SLC7A8: variants seen among roughly 807,000 people sequenced by gnomAD.
The protein encoded by SLC7A8 is solute carrier family 7 member 8, also known as large neutral amino acids transporter small subunit 2.
In SLC7A8, 30 loss-of-function variants were observed where a neutral mutation model predicts 51.2. The ratio of observed to expected loss-of-function variants is 0.59; its 90% CI spans 0.44 to 0.80. The LOEUF (loss-of-function observed/expected upper bound fraction) is 0.80. Among genes scored for constraint, SLC7A8 ranks in the 30% least tolerant of loss-of-function variants. SLC7A8 has a pLI of 0.00. For missense variants in SLC7A8, 612 were observed against 674.4 expected (o/e 0.91, Z 1.03); for synonymous variants, 257 against 275.8 (o/e 0.93, Z 0.67).
chr14:23,182,736 G>A (rs750162359), intron 1 of SLC7A8, 28 bp downstream of exon 1: 1 of 1,525,778 alleles, frequency 6.6e-7, no homozygotes, highest in East Asian at 2.3e-5. Context: ...GGGGAGAGGA[G>A]GGGTCCGCGG....
At position 23,143,102 on chromosome 14, in the gene SLC7A8, A is replaced by G. The variant is rs1429268804; in HGVS notation, c.611T>C (p.Met204Thr). ...ACCTTTGCATATCTGTACAATCCCCATGATGATAATCAGGGCCAAGGCCAG... is the reference window on the plus strand; with the variant it reads ...ACCTTTGCATATCTGTACAATCCCCGTGATGATAATCAGGGCCAAGGCCAG... Reference protein sequence around the residue: ...KLLALALIIIMGIVQICKGEY... With the variant: ...KLLALALIIITGIVQICKGEY... Residue 204 changes from methionine (M) to threonine (T), a missense_variant, in exon 4 of 11, where the codon ATG becomes ACG. By Grantham distance (81) the Met-to-Thr change is moderately conservative. Transcript: ENST00000316902. 2 of 1,614,228 alleles carry G rather than the reference A, an allele frequency of 1.2e-6. No individual in the cohort carries two copies. The highest frequency in any genetic ancestry group is 1.1e-5 in the South Asian group (1 of 91,086).
At chr14:23,151,446 T>TAGGAAA (rs2048846351) in intron 3 of SLC7A8, among the ~76,000 whole-genome samples, 1 of 152,074 alleles carries the variant, frequency 6.6e-6, no homozygotes, top group Non-Finnish European at 1.5e-5. Flanking sequence ...TGGCTGTCTC[T>TAGGAAA]CCTTCCTCTA....
intron 7 of SLC7A8, among the ~76,000 whole-genome samples, chr14:23,135,765 T>C (rs1197700541): frequency 6.6e-6 from 1 of 152,096 alleles, no homozygotes; most frequent in Non-Finnish European, 1.5e-5. Flanking sequence ...AAAGACAATA[T>C]TGAAGGAGAT....
Position 23,128,395 on chromosome 14 carries a change from GGTCA to G in SLC7A8, c.1264-203_1264-200del. The G allele has an allele frequency of 6.6e-7, 1 of 1,518,084 alleles. No individual in the cohort carries two copies. Among genetic ancestry groups the G allele is most frequent in the African/African-American group, 1.4e-5 (1 of 72,784 alleles). 94.0% of individuals were successfully genotyped at this position (1,518,084 alleles called of 1,614,324 possible). On this transcript the variant is annotated intron_variant, in intron 9 of 10. Coordinates refer to ENST00000316902, the MANE Select transcript of SLC7A8 (RefSeq NM_012244.4). This position sits in a 1 kb window ranked among gnomAD's most constrained non-coding sequence, Gnocchi z 4.3. ...TAAACAAATGTTGATGAACATGGTC[GGTCA>G]GACAGGAAGAGGATGGGGAGGAGTT...
chr14:23,128,521 G>A lies in SLC7A8; in HGVS notation c.1264-325C>T, dbSNP rs1314007612. 6.6e-6 allele frequency among the ~76,000 whole-genome samples: 1 copy of A among 152,230 alleles called. No homozygotes were observed. Among genetic ancestry groups the A allele is most frequent in the East Asian group, 1.9e-4 (1 of 5,194 alleles). The stretch of plus-strand genomic sequence containing the variant: ...CCATGTGCCCGTGGCAGCCAGAGAA[G>A]CCCACAGGGATGGAGAAGCTTGCTG... On this transcript the variant is annotated intron_variant, in intron 9 of 10. Coordinates refer to ENST00000316902, the MANE Select transcript of SLC7A8 (RefSeq NM_012244.4). The surrounding 1 kb of genome is among the most constrained non-coding windows in gnomAD (Gnocchi z 4.3).
In SLC7A8 at chr14:23,128,471, GT is replaced by G; in HGVS notation, c.1264-276del. 2 of 1,048,430 alleles carry G rather than the reference GT, an allele frequency of 1.9e-6. No individual in the cohort carries two copies. Among genetic ancestry groups the G allele is most frequent in the South Asian group, 1.4e-5 (1 of 72,038 alleles). The allele number at this position is 1,048,430 out of a possible 1,614,324, so 64.9% of individuals were successfully genotyped here. A position where few individuals can be genotyped will look rare whatever the true frequency, so the allele number is the denominator to read the frequency against. On this transcript the variant is annotated intron_variant, in intron 9 of 10. Transcript: ENST00000316902. The surrounding 1 kb of genome is among the most constrained non-coding windows in gnomAD (Gnocchi z 4.3). ...GCCCATGTCCTCGCTCTTGGGTGTG[GT>G]TAGACAAGGCCTCATCATGCATGCC...
chr14:23,127,724 CCT>C (rs1338283676), intron 10 of SLC7A8, among the ~76,000 whole-genome samples: 4 of 152,214 alleles, frequency 2.6e-5, no homozygotes, highest in Non-Finnish European at 4.4e-5. Context: ...CTCAAGTGAT[CCT>C]CTGTCTCAGC....
At chr14:23,150,467 T>G (rs1415173971) in intron 3 of SLC7A8, among the ~76,000 whole-genome samples, 1 of 152,166 alleles carries the variant, frequency 6.6e-6, no homozygotes, top group Non-Finnish European at 1.5e-5. Flanking sequence ...CAGGTCTGAA[T>G]CTGAGAATCA....
At chr14:23,131,999 ATTTTTTTTTTT>A (rs1201371313) in intron 7 of SLC7A8, among the ~76,000 whole-genome samples, 4 of 98,166 alleles carry the variant, frequency 4.1e-5, no homozygotes, top group South Asian at 3.6e-4. Context: ...AAAACACTCT[ATTTTTTTTTTT>A]TTTTTTTTTT....
chr14:23,140,357 G>C (rs2048732124), intron 5 of SLC7A8, 114 bp downstream of exon 5: 2 of 1,156,754 alleles, frequency 1.7e-6, no homozygotes, highest in African/African-American at 3.1e-5. Context: ...TCAAATCACA[G>C]TTAGAATGGG....
intron 3 of SLC7A8, among the ~76,000 whole-genome samples, chr14:23,158,824 C>T (rs922050970): frequency 1.3e-5 from 2 of 152,202 alleles, no homozygotes; most frequent in Non-Finnish European, 2.9e-5. Context: ...CTTGTTACTT[C>T]ATTCTTAGTT....
At chr14:23,169,736 T>C (rs947445312) in intron 1 of SLC7A8, among the ~76,000 whole-genome samples, 6 of 152,178 alleles carry the variant, frequency 3.9e-5, no homozygotes, top group Non-Finnish European at 8.8e-5. Flanking sequence ...GGGAAGAAAG[T>C]AGGACAATTA....
rs1016590130 is a variant in SLC7A8, at chr14:23,149,856, A to C, written c.509-6652T>G. 3.9e-5 allele frequency among the ~76,000 whole-genome samples: 6 copies of C among 152,212 alleles called. No homozygotes were observed. In the South Asian group the frequency reaches 1.2e-3, roughly 32 times the overall value. ...TCTTTTCTCTGTTTAGATATGTTTA[A>C]TGCACAAATACAACTGCCTACAGTG... On this transcript the variant is annotated intron_variant, in intron 3 of 10. Coordinates refer to ENST00000316902, the MANE Select transcript of SLC7A8 (RefSeq NM_012244.4).
rs185998056 is a variant in SLC7A8, at chr14:23,180,128, G to C, written c.151+2636C>G. The stretch of plus-strand genomic sequence containing the variant: ...TCACCGTGTTAGCCAGGATGGTCTT[G>C]ATCTCCTGACCTCGTGATCCGCCCG... On this transcript the variant is annotated intron_variant, in intron 1 of 10. Transcript: ENST00000316902. 6.4e-4 allele frequency among the ~76,000 whole-genome samples: 97 copies of C among 152,176 alleles called. 2 individuals carry two copies. The East Asian group carries it at 0.014, about 21-fold the overall frequency.
chr14:23,176,924 A>C (rs938466154), intron 1 of SLC7A8, among the ~76,000 whole-genome samples: 3 of 145,084 alleles, frequency 2.1e-5, no homozygotes, highest in Non-Finnish European at 4.5e-5. Context: ...CCTGGGCGAC[A>C]GAGCAAGACT....
chr14:23,172,470 T>C (rs2048979655), intron 1 of SLC7A8, among the ~76,000 whole-genome samples: 1 of 152,112 alleles, frequency 6.6e-6, no homozygotes, highest in Non-Finnish European at 1.5e-5. Flanking sequence ...ATGAAACGGA[T>C]GGAGCCAACT....
intron 3 of SLC7A8, among the ~76,000 whole-genome samples, chr14:23,148,650 A>C (rs1399278392): frequency 6.6e-6 from 1 of 152,254 alleles, no homozygotes; most frequent in African/African-American, 2.4e-5. Context: ...GTGATCATGG[A>C]AACATCAGAC....
At chr14:23,132,851 G>A (rs1359775982) in intron 7 of SLC7A8, among the ~76,000 whole-genome samples, 1 of 151,870 alleles carries the variant, frequency 6.6e-6, no homozygotes, top group Non-Finnish European at 1.5e-5. Context: ...GGTCAGGCTG[G>A]TCTCGAACTC....
intron 7 of SLC7A8, 21 bp downstream of exon 7, chr14:23,137,900 A>G: frequency 6.2e-7 from 1 of 1,609,154 alleles, no homozygotes. Context: ...CTGGCCGGGG[A>G]AGGGCCCAGG....
Sources: allele counts gnomAD v4.1 joint callset (sites outside exome capture counted in the v4.1 genomes callset), GRCh38; gene constraint gnomAD v4.1.1; non-coding constraint Gnocchi (gnomAD v3.1); transcripts MANE v1.5; gene names NCBI Gene and HGNC (gene_info 2026-07-23, HGNC 2026-07-21).